CSMD1: variants seen among roughly 807,000 people sequenced by gnomAD.
The protein encoded by CSMD1 is CUB and sushi domain-containing protein 1.
A neutral mutation model predicts 417.5 loss-of-function variants in CSMD1; 213 were observed. That is an observed-to-expected ratio of 0.51 (90% CI 0.46 to 0.57). The LOEUF is 0.57. Among genes scored for constraint, CSMD1 ranks in the 20% least tolerant of loss-of-function variants. CSMD1 has a pLI of 0.00. For synonymous variants in CSMD1, 2,862 were observed against 1,736.8 expected (o/e 1.65, Z -16.11); for missense variants, 6,923 against 4,529.7 (o/e 1.53, Z -15.17).
chr8:3,176,237 A>G (rs187017815), intron 37 of CSMD1, among the ~76,000 whole-genome samples: 1 of 152,348 alleles, frequency 6.6e-6, no homozygotes, highest in East Asian at 1.9e-4. Context: ...AGCCATCTCT[A>G]AATGGAAAGC....
At chr8:4,010,651 T>G (rs186712840) in intron 4 of CSMD1, among the ~76,000 whole-genome samples, 11 of 152,224 alleles carry the variant, frequency 7.2e-5, no homozygotes, top group African/African-American at 1.4e-4. Flanking sequence ...CTCATAATTT[T>G]TTGACTCATG....
At chr8:4,597,573 C>G (rs1007006374) in intron 2 of CSMD1, among the ~76,000 whole-genome samples, 2 of 151,022 alleles carry the variant, frequency 1.3e-5, no homozygotes, top group Non-Finnish European at 3.0e-5. Context: ...AACAATGCAA[C>G]AAAAAAAGAA....
rs182298204 is a variant in CSMD1, at chr8:4,697,299, C to G, written c.86-59741G>C. On this transcript the variant is annotated intron_variant, in intron 1 of 69. Transcript: ENST00000635120. The stretch of plus-strand genomic sequence containing the variant: ...GACAAGATGAAAACAAGAGGACCAC[C>G]TGGACTTAGTTATCATTGCCCTTCT... Among the ~76,000 whole-genome samples, 24 of 152,242 alleles carry G rather than the reference C, an allele frequency of 1.6e-4. No individual in the cohort carries two copies. In the East Asian group the frequency reaches 3.1e-3, roughly 20 times the overall value.
At chr8:3,764,184 G>A (rs1798149378) in intron 5 of CSMD1, among the ~76,000 whole-genome samples, 1 of 152,120 alleles carries the variant, frequency 6.6e-6, no homozygotes, top group South Asian at 2.1e-4. Context: ...ATTTAGATTT[G>A]CACCGTACGC....
intron 2 of CSMD1, among the ~76,000 whole-genome samples, chr8:4,449,201 T>C (rs1160293447): frequency 1.3e-5 from 2 of 152,290 alleles, no homozygotes; most frequent in African/African-American, 4.8e-5. Flanking sequence ...TACAATACAG[T>C]TTTACTTCTA....
chr8:3,527,563 G>A (rs554051404), intron 10 of CSMD1, among the ~76,000 whole-genome samples: 1 of 152,088 alleles, frequency 6.6e-6, no homozygotes, highest in Non-Finnish European at 1.5e-5. Context: ...ATTGATACCT[G>A]TGATAAAATC....
At chr8:3,177,585 A>G (rs1484066306) in intron 37 of CSMD1, among the ~76,000 whole-genome samples, 1 of 152,212 alleles carries the variant, frequency 6.6e-6, no homozygotes, top group Non-Finnish European at 1.5e-5. Context: ...AGCCCATAGT[A>G]GGGATAACTG....
At chr8:4,204,886 C>T (rs534649048) in intron 3 of CSMD1, among the ~76,000 whole-genome samples, 6 of 152,208 alleles carry the variant, frequency 3.9e-5, no homozygotes, top group Admixed American at 2.0e-4. Context: ...GTCCTGAACT[C>T]CTGTCCTCAA....
intron 10 of CSMD1, among the ~76,000 whole-genome samples, chr8:3,558,163 T>C (rs1825178): frequency 0.32 from 46,381 of 144,366 alleles, 6,306 homozygotes; most frequent in East Asian, 0.45. Flanking sequence ...GGTGCCTCAA[T>C]AGCACCCCGT....
intron 27 of CSMD1, among the ~76,000 whole-genome samples, chr8:3,227,519 A>C (rs1394007439): frequency 1.3e-5 from 2 of 152,200 alleles, no homozygotes; most frequent in African/African-American, 4.8e-5. Context: ...AGCTATCTTC[A>C]GAATAGGGAA....
chr8:3,343,371 C>A lies in CSMD1; in HGVS notation c.3554G>T (p.Ser1185Ile), dbSNP rs1399356806. Residue 1185 changes from serine to isoleucine, a missense_variant, in exon 23 of 70, where the codon AGC becomes ATC. Coordinates refer to ENST00000635120, the MANE Select transcript of CSMD1 (RefSeq NM_033225.6). ...CTCTAGCCACAGGTGATTGGATGTGCTGTTTAGGATCAGCCCCAGAAGTTC... is the reference window on the plus strand; with the variant it reads ...CTCTAGCCACAGGTGATTGGATGTGATGTTTAGGATCAGCCCCAGAAGTTC... ...KNELLGLILN[S>I]TSNHLWLEFN... 1 of 1,613,740 alleles carries A rather than the reference C, an allele frequency of 6.2e-7. No individual in the cohort carries two copies. The highest frequency in any genetic ancestry group is 2.2e-5 in the East Asian group (1 of 44,868).
intron 3 of CSMD1, among the ~76,000 whole-genome samples, chr8:4,326,449 A>T (rs1005420526): frequency 6.6e-6 from 1 of 152,184 alleles, no homozygotes; most frequent in Non-Finnish European, 1.5e-5. Flanking sequence ...GCAAGAGGTA[A>T]AGAATGCATA....
At chr8:4,788,254 A>C in intron 1 of CSMD1, 1 of 1,586,548 alleles carries the variant, frequency 6.3e-7, no homozygotes. Context: ...GTTAAAGCTG[A>C]GTATGAAAGG....
chr8:4,025,689 C>T (rs143176455), intron 4 of CSMD1, among the ~76,000 whole-genome samples: 3 of 152,058 alleles, frequency 2.0e-5, no homozygotes, highest in Non-Finnish European at 2.9e-5. Context: ...TCAAGAATAA[C>T]GAATAGTTGA....
intron 3 of CSMD1, among the ~76,000 whole-genome samples, chr8:4,132,787 CTG>C (rs1803190197): frequency 2.6e-5 from 4 of 152,130 alleles, no homozygotes; most frequent in East Asian, 1.9e-4. Flanking sequence ...AAGACACAAA[CTG>C]TGTGTGAATG....
chr8:3,215,621 A>G (rs1336710490), intron 29 of CSMD1, among the ~76,000 whole-genome samples: 1 of 152,252 alleles, frequency 6.6e-6, no homozygotes, highest in African/African-American at 2.4e-5. Context: ...GTAAAAATAC[A>G]AAACCTTTTT....
intron 3 of CSMD1, among the ~76,000 whole-genome samples, chr8:4,253,239 A>G (rs1803207109): frequency 6.6e-6 from 1 of 152,182 alleles, no homozygotes; most frequent in East Asian, 1.9e-4. Flanking sequence ...CCCAGATAAA[A>G]TGACATCTCC....
chr8:4,293,726 T>G (rs1316672465), intron 3 of CSMD1, among the ~76,000 whole-genome samples: 3 of 152,234 alleles, frequency 2.0e-5, no homozygotes, highest in African/African-American at 4.8e-5. Flanking sequence ...AAAAGATGCT[T>G]TAGACATATT....
intron 3 of CSMD1, among the ~76,000 whole-genome samples, chr8:4,070,657 A>T (rs1799506637): frequency 1.3e-5 from 2 of 152,146 alleles, no homozygotes; most frequent in East Asian, 3.9e-4. Context: ...GTGCCCGGCC[A>T]CCACCTATAA....
Sources: allele counts gnomAD v4.1 joint callset (sites outside exome capture counted in the v4.1 genomes callset), GRCh38; gene constraint gnomAD v4.1.1; transcripts MANE v1.5; gene names NCBI Gene and HGNC (gene_info 2026-07-23, HGNC 2026-07-21).